The following SLC16A1 variants were observed in gnomAD, a reference collection of about 807,000 sequenced individuals.
SLC16A1 encodes the protein solute carrier family 16 member 1, also known as monocarboxylate transporter 1.
SLC16A1 carries 11 observed loss-of-function variants against 32.2 expected under a neutral mutation model. The observed-to-expected ratio is 0.34, with a 90% CI of 0.21 to 0.56. The LOEUF (loss-of-function observed/expected upper bound fraction) is 0.56. Among genes scored for constraint, SLC16A1 ranks in the 20% least tolerant of loss-of-function variants. The pLI is 0.87. For missense variants in SLC16A1, 435 were observed against 615.0 expected, an observed-to-expected ratio of 0.71 and a Z score of 3.10; for synonymous variants, 231 against 226.8, an observed-to-expected ratio of 1.02 and a Z score of -0.17.
At chr1:112,941,880 G>C (rs1162155187) in intron 1 of SLC16A1, among the ~76,000 whole-genome samples, 1 of 152,136 alleles carries the variant, frequency 6.6e-6, no homozygotes, top group East Asian at 1.9e-4. Flanking sequence ...AAGACAGAAG[G>C]AGGTTGAGAG....
chr1:112,935,417 A>AT (rs984010712), intron 1 of SLC16A1, among the ~76,000 whole-genome samples: 1 of 152,180 alleles, frequency 6.6e-6, no homozygotes, highest in African/African-American at 2.4e-5. Context: ...CAAAAAAAAA[A>AT]GTAAAGTCAG....
intron 1 of SLC16A1, among the ~76,000 whole-genome samples, chr1:112,944,164 A>AAT (rs1649607489): frequency 6.6e-6 from 1 of 152,174 alleles, no homozygotes; most frequent in Admixed American, 6.5e-5. Context: ...TAGTAAAGAA[A>AAT]ATATGGCCAG....
At chr1:112,924,372 C>A in intron 2 of SLC16A1, 1 of 1,228,522 alleles carries the variant, frequency 8.1e-7, no homozygotes, top group Non-Finnish European at 1.2e-6. Flanking sequence ...TTGCCCAAGG[C>A]TCTTCTGTAA....
chr1:112,928,213 T>C (rs1056481616), intron 2 of SLC16A1, among the ~76,000 whole-genome samples: 1 of 152,228 alleles, frequency 6.6e-6, no homozygotes, highest in African/African-American at 2.4e-5. Context: ...CAGTTACCTG[T>C]TTCTTCTGGA....
At chr1:112,925,207 CCT>C (rs371007567) in intron 2 of SLC16A1, among the ~76,000 whole-genome samples, 3 of 152,208 alleles carry the variant, frequency 2.0e-5, no homozygotes, top group African/African-American at 7.2e-5. Context: ...GACCAGTCTC[CCT>C]CTGTGGCTGG....
intron 1 of SLC16A1, 59 bp from the exon 2 acceptor site, chr1:112,929,411 T>G: frequency 1.0e-6 from 1 of 964,282 alleles, no homozygotes; most frequent in South Asian, 1.4e-5. Context: ...AAAACTCTTT[T>G]GTGAAATAAG....
chr1:112,948,091 G>A (rs200607383), intron 1 of SLC16A1, among the ~76,000 whole-genome samples: 1 of 152,180 alleles, frequency 6.6e-6, no homozygotes, highest in East Asian at 1.9e-4. Context: ...GTGGTGGTAT[G>A]CGCCTATAAT....
rs768284942 is a variant in SLC16A1, at chr1:112,917,245, G to A, written c.1161C>T (p.Phe387=). ...TGGTCACCAATCCCACAGCGCTGGA[G>A]AACCTCTGGGGTCCAACAAGGTCCA... is the stretch of plus-strand genomic sequence containing the variant. ...TLMDLVGPQR[F]SSAVGLVTIV... is the part of the protein sequence containing the mutation. The change falls in exon 4 of 5, where the codon TTC becomes TTT. Residue 387 remains phenylalanine, a synonymous_variant. Coordinates refer to ENST00000369626, the MANE Select transcript of SLC16A1 (RefSeq NM_003051.4). The surrounding 1 kb of genome is among the most constrained non-coding windows in gnomAD (Gnocchi z 4.1). 3 of 1,614,174 alleles carry A rather than the reference G, an allele frequency of 1.9e-6. 1 individual carries two copies. The South Asian group carries it at 3.3e-5, about 18-fold the overall frequency.
chr1:112,933,635 T>C (rs1649210595), intron 1 of SLC16A1, among the ~76,000 whole-genome samples: 1 of 151,862 alleles, frequency 6.6e-6, no homozygotes, highest in Admixed American at 6.6e-5. Flanking sequence ...GATACATGAA[T>C]GATAAACAAG....
intron 2 of SLC16A1, chr1:112,923,536 G>C: frequency 8.9e-7 from 1 of 1,122,014 alleles, no homozygotes; most frequent in South Asian, 1.2e-5. Context: ...TACAGCGACA[G>C]CCAGTCCAAG....
At chr1:112,945,186 G>A (rs1402275988) in intron 1 of SLC16A1, among the ~76,000 whole-genome samples, 4 of 151,348 alleles carry the variant, frequency 2.6e-5, no homozygotes, top group East Asian at 2.0e-4. Flanking sequence ...TTTAGTAAGG[G>A]TAGGGTTTCG....
At position 112,952,842 on chromosome 1, in the gene SLC16A1, C is replaced by T. The variant is rs947686100; in HGVS notation, c.-45+3193G>A. On this transcript the variant is annotated intron_variant, in intron 1 of 4. Transcript: ENST00000369626. The stretch of plus-strand genomic sequence containing the variant: ...ACAAGCTGAGCAGCCCTGGTCTAGT[C>T]ACACAACTTTTTAGTGTCCCTATTG... Among the ~76,000 whole-genome samples the T allele has an allele frequency of 1.7e-4, 26 of 152,184 alleles. 1 individual carries two copies. The highest frequency in any genetic ancestry group is 2.1e-4 in the Non-Finnish European group (14 of 68,032).
At chr1:112,916,901 C>T (rs1467723664) in intron 4 of SLC16A1, among the ~76,000 whole-genome samples, 1 of 152,126 alleles carries the variant, frequency 6.6e-6, no homozygotes, top group East Asian at 1.9e-4. Flanking sequence ...TGCACTCCAG[C>T]CTGGGCAACA....
At chr1:112,931,414 G>A (rs1484186620) in intron 1 of SLC16A1, among the ~76,000 whole-genome samples, 1 of 152,080 alleles carries the variant, frequency 6.6e-6, no homozygotes, top group Non-Finnish European at 1.5e-5. Context: ...GGGAGGCAGA[G>A]GTAGGTAGAT....
At chr1:112,954,374 T>G (rs1370774260) in intron 1 of SLC16A1, among the ~76,000 whole-genome samples, 1 of 152,142 alleles carries the variant, frequency 6.6e-6, no homozygotes, top group African/African-American at 2.4e-5. Flanking sequence ...CACCAAACCA[T>G]AACAAGTTTT....
At chr1:112,929,442 G>T in intron 1 of SLC16A1, 90 bp from the exon 2 acceptor site, 1 of 759,882 alleles carries the variant, frequency 1.3e-6, no homozygotes. Flanking sequence ...AATCGTGGTG[G>T]ATCATGCCTA....
intron 1 of SLC16A1, among the ~76,000 whole-genome samples, chr1:112,937,124 G>T (rs1203809414): frequency 6.6e-6 from 1 of 152,162 alleles, no homozygotes; most frequent in Non-Finnish European, 1.5e-5. Context: ...CCACTAAAAA[G>T]ATTAATTCAT....
At chr1:112,930,307 C>T (rs1158428866) in intron 1 of SLC16A1, among the ~76,000 whole-genome samples, 1 of 151,876 alleles carries the variant, frequency 6.6e-6, no homozygotes, top group Non-Finnish European at 1.5e-5. Context: ...GTGTCTCCTA[C>T]AATTGCTTGG....
intron 1 of SLC16A1, among the ~76,000 whole-genome samples, chr1:112,930,568 C>T (rs1476135978): frequency 6.6e-6 from 1 of 152,044 alleles, no homozygotes; most frequent in Non-Finnish European, 1.5e-5. Context: ...AGGAAAATAG[C>T]TTCTCACCAC....
Sources: gnomAD v4.1 joint callset for allele counts (sites outside exome capture counted in the v4.1 genomes callset) on GRCh38, gnomAD v4.1.1 for gene constraint, Gnocchi (gnomAD v3.1) non-coding constraint, MANE v1.5 for transcripts, NCBI Gene and HGNC (gene_info 2026-07-23, HGNC 2026-07-21) for gene names.